The following NCDN variants were observed in gnomAD, a reference collection of about 807,000 sequenced individuals.
NCDN encodes the protein neurochondrin.
In NCDN, 9 loss-of-function variants were observed where a neutral mutation model predicts 60.7. That is an observed-to-expected ratio of 0.15 (90% CI 0.09 to 0.26). The LOEUF is 0.26. Ranked by LOEUF, NCDN falls within the 10% of genes least tolerant of loss-of-function variation. The probability of loss-of-function intolerance (pLI) is 1.00; values close to 1 mark genes in which losing one functional copy is unlikely to be tolerated. For missense variants in NCDN, 578 were observed against 975.2 expected, an observed-to-expected ratio of 0.59 and a Z score of 5.42; for synonymous variants, 409 against 442.5, an observed-to-expected ratio of 0.92 and a Z score of 0.95.
At position 35,565,923 on chromosome 1, in the gene NCDN, G is replaced by A. The variant is rs575147294; in HGVS notation, c.*260G>A. 1.5e-5 allele frequency: 7 copies of A among 482,752 alleles called. No homozygotes were observed. In the South Asian group the frequency reaches 1.7e-4, roughly 12 times the overall value. The allele number at this position is 482,752 out of a possible 1,614,324, so 29.9% of individuals were successfully genotyped here. On this transcript the variant is annotated 3_prime_UTR_variant, in exon 7 of 7. Transcript: ENST00000373243. The surrounding 1 kb of genome is among the most constrained non-coding windows in gnomAD (Gnocchi z 8.9). Reference sequence around the variant, plus strand: ...TGTCCCCGCCAGGCCGGGGAAGGTTGGAGCAGCCCCCAGGGAGGGGGGCAC... The same window carrying A: ...TGTCCCCGCCAGGCCGGGGAAGGTTAGAGCAGCCCCCAGGGAGGGGGGCAC...
rs1427567583 is a variant in NCDN, at chr1:35,565,904, C to T, written c.*241C>T. ...GCTTGGAAATCAACGTGGTTGTCCCCGCCAGGCCGGGGAAGGTTGGAGCAG... is the reference window on the plus strand; with the variant it reads ...GCTTGGAAATCAACGTGGTTGTCCCTGCCAGGCCGGGGAAGGTTGGAGCAG... On this transcript the variant is annotated 3_prime_UTR_variant, in exon 7 of 7. Transcript: ENST00000373243. The surrounding 1 kb of genome is among the most constrained non-coding windows in gnomAD (Gnocchi z 8.9). 15 of 522,658 alleles carry T rather than the reference C, an allele frequency of 2.9e-5. No individual in the cohort carries two copies. Among genetic ancestry groups the T allele is most frequent in the African/African-American group, 1.9e-5 (1 of 51,562 alleles). 32.4% of individuals were successfully genotyped at this position (522,658 alleles called of 1,614,324 possible). A position where few individuals can be genotyped will look rare whatever the true frequency, so the allele number is the denominator to read the frequency against.
rs1280692109 is a variant in NCDN at position 35,566,473 on chromosome 1, G to A, written c.*810G>A. The A allele has an allele frequency of 3.5e-6, 1 of 288,256 alleles. No homozygotes were observed. The highest frequency in any genetic ancestry group is 3.1e-5 in the South Asian group (1 of 32,522). 17.9% of individuals were successfully genotyped at this position (288,256 alleles called of 1,614,324 possible). ...GGCCTGGCTGGAGCCAGGAACAGGAGGGACACTTCCCCAGAATCCGCATGT... is the reference window on the plus strand; with the variant it reads ...GGCCTGGCTGGAGCCAGGAACAGGAAGGACACTTCCCCAGAATCCGCATGT... On this transcript the variant is annotated 3_prime_UTR_variant, in exon 7 of 7. Coordinates refer to ENST00000373243, the MANE Select transcript of NCDN (RefSeq NM_014284.3). The surrounding 1 kb of genome is among the most constrained non-coding windows in gnomAD (Gnocchi z 5.3).
At chr1:35,559,323 C>T in intron 2 of NCDN, 76 bp downstream of exon 2, 1 of 1,588,904 alleles carries the variant, frequency 6.3e-7, no homozygotes, top group Admixed American at 1.7e-5. Context: ...TCAGTGAGTC[C>T]CCAAGGATAT....
chr1:35,564,388 G>A (rs937085316), intron 6 of NCDN, among the ~76,000 whole-genome samples: 1 of 151,986 alleles, frequency 6.6e-6, no homozygotes, highest in African/African-American at 2.4e-5. Flanking sequence ...GCAGGGGGAG[G>A]GACGTCCCCT....
Position 35,558,438 on chromosome 1 carries a change from T to C in NCDN, c.33+215T>C, listed in dbSNP as rs904376199. 72 of 1,351,810 alleles carry C rather than the reference T, an allele frequency of 5.3e-5. No homozygotes were observed. The highest frequency in any genetic ancestry group is 2.0e-4 in the South Asian group (12 of 59,648). The allele number at this position is 1,351,810 out of a possible 1,614,324, so 83.7% of individuals were successfully genotyped here. On this transcript the variant is annotated intron_variant, in intron 1 of 6. Transcript: ENST00000373243. This position sits in a 1 kb window ranked among gnomAD's most constrained non-coding sequence, Gnocchi z 6.3. ...TTAATTCTGCTGCTGCCGCCGCCGCTGCTGCTGCTGCTGCAGCCTCTACCC... is the reference window on the plus strand; with the variant it reads ...TTAATTCTGCTGCTGCCGCCGCCGCCGCTGCTGCTGCTGCAGCCTCTACCC...
chr1:35,559,733 T>G (rs1648634111), intron 2 of NCDN, among the ~76,000 whole-genome samples: 1 of 111,104 alleles, frequency 9.0e-6, no homozygotes, highest in Non-Finnish European at 1.7e-5. Flanking sequence ...GCTGCAGTGC[T>G]AGGAAGGGGG....
chr1:35,563,679 C>A lies in NCDN; in HGVS notation c.1611-88C>A. The A allele has an allele frequency of 1.3e-6, 2 of 1,499,890 alleles. No homozygotes were observed. The highest frequency in any genetic ancestry group is 1.8e-6 in the Non-Finnish European group (2 of 1,101,808). 92.9% of individuals were successfully genotyped at this position (1,499,890 alleles called of 1,614,324 possible). On this transcript the variant is annotated intron_variant, in intron 5 of 6. Transcript: ENST00000373243. This position sits in a 1 kb window ranked among gnomAD's most constrained non-coding sequence, Gnocchi z 6.6. ...GCTATGTTTGGGGCCCAAAGTTAAT[C>A]ACCCTACTGCCTAATTTCTTGCCAA...
Position 35,561,048 on chromosome 1 carries a change from G to A in NCDN, c.897G>A (p.Ala299=), listed in dbSNP as rs747039344. ...AHACGSDWIP[A]GSSGSKFLAL... ...CCTGCGGCTCCGACTGGATCCCGGC[G>A]GGCAGCTCCGGGAGCAAGTTCCTGG... Residue 299 remains alanine (A), a synonymous_variant, in exon 3 of 7, where the codon GCG becomes GCA. Coordinates refer to ENST00000373243, the MANE Select transcript of NCDN (RefSeq NM_014284.3). The surrounding 1 kb of genome is among the most constrained non-coding windows in gnomAD (Gnocchi z 4.9). 72 of 1,612,598 alleles carry A rather than the reference G, an allele frequency of 4.5e-5. No individual in the cohort carries two copies. Among genetic ancestry groups the A allele is most frequent in the Non-Finnish European group, 5.3e-5 (63 of 1,179,184 alleles).
rs780581013 is a variant in NCDN, at chr1:35,560,372, G to A, written c.221G>A (p.Arg74Gln). ...KAGDIDAKTR[R>Q]RIFDAVGFTF... is the part of the protein sequence containing the mutation. Reference sequence around the variant, plus strand: ...GGTGACATAGATGCCAAAACTCGGCGGCGGATCTTCGATGCTGTCGGCTTC... The same window carrying A: ...GGTGACATAGATGCCAAAACTCGGCAGCGGATCTTCGATGCTGTCGGCTTC... Residue 74 changes from arginine (R) to glutamine (Q), a missense_variant, in exon 3 of 7, where the codon CGG becomes CAG. By Grantham distance (43) the Arg-to-Gln change is conservative. Transcript: ENST00000373243. The surrounding 1 kb of genome is among the most constrained non-coding windows in gnomAD (Gnocchi z 7.6). 3.6e-5 allele frequency: 58 copies of A among 1,613,870 alleles called. No homozygotes were observed. Among genetic ancestry groups the A allele is most frequent in the Admixed American group, 1.8e-4 (11 of 60,006 alleles).
chr1:35,559,319 A>G (rs1192961237), intron 2 of NCDN, 72 bp downstream of exon 2: 2 of 1,591,388 alleles, frequency 1.3e-6, no homozygotes, highest in East Asian at 4.5e-5. Flanking sequence ...GGGGTCAGTG[A>G]GTCCCCAAGG....
intron 1 of NCDN, 46 bp from the exon 2 acceptor site, chr1:35,559,061 C>CCCCCCCCCCCCCCCCCGG: frequency 6.8e-7 from 1 of 1,474,768 alleles, no homozygotes; most frequent in South Asian, 1.2e-5. Flanking sequence ...ACCCCACCCC[C>CCCCCCCCCCCCCCCCCGG]GTCCCTCCTC....
chr1:35,557,865 C>T lies in NCDN; in HGVS notation c.-326C>T, dbSNP rs943124359. On this transcript the variant is annotated 5_prime_UTR_variant, in exon 1 of 7. Transcript: ENST00000373243. ...GCATCGCGCTGGGAGAAGACTTCGCCGCTCGGGGCCGCAGCCTGGTGAGCT... is the reference window on the plus strand; with the variant it reads ...GCATCGCGCTGGGAGAAGACTTCGCTGCTCGGGGCCGCAGCCTGGTGAGCT... 3.3e-6 allele frequency: 2 copies of T among 599,886 alleles called. No homozygotes were observed. Among genetic ancestry groups the T allele is most frequent in the East Asian group, 3.5e-5 (1 of 28,914 alleles). The allele number at this position is 599,886 out of a possible 1,614,324, so 37.2% of individuals were successfully genotyped here. A position where few individuals can be genotyped will look rare whatever the true frequency, so the allele number is the denominator to read the frequency against.
Position 35,566,064 on chromosome 1 carries a change from C to T in NCDN, c.*401C>T. The T allele has an allele frequency of 5.0e-6, 1 of 201,388 alleles. No homozygotes were observed. Among genetic ancestry groups the T allele is most frequent in the Non-Finnish European group, 1.0e-5 (1 of 98,472 alleles). The allele number at this position is 201,388 out of a possible 1,614,324, so 12.5% of individuals were successfully genotyped here. ...TGTGCCCTGCCGGCCAGGGCGTGGG[C>T]TCCCCTCGGCTGTGGTGCCTCCTCT... On this transcript the variant is annotated 3_prime_UTR_variant, in exon 7 of 7. Transcript: ENST00000373243. This position sits in a 1 kb window ranked among gnomAD's most constrained non-coding sequence, Gnocchi z 5.3.
chr1:35,566,139 G>A lies in NCDN; in HGVS notation c.*476G>A, dbSNP rs1200663303. The A allele has an allele frequency of 5.8e-6, 1 of 173,732 alleles. No homozygotes were observed. Among genetic ancestry groups the A allele is most frequent in the East Asian group, 1.7e-4 (1 of 5,808 alleles). The allele number at this position is 173,732 out of a possible 1,614,324, so 10.8% of individuals were successfully genotyped here. A position where few individuals can be genotyped will look rare whatever the true frequency, so the allele number is the denominator to read the frequency against. Reference sequence around the variant, plus strand: ...AATTGGCCCTTTGGCTCTTGCCCTTGGCTCCCTTGGGCAGACAGCAGGCTT... The same window carrying A: ...AATTGGCCCTTTGGCTCTTGCCCTTAGCTCCCTTGGGCAGACAGCAGGCTT... On this transcript the variant is annotated 3_prime_UTR_variant, in exon 7 of 7. Transcript: ENST00000373243. This position sits in a 1 kb window ranked among gnomAD's most constrained non-coding sequence, Gnocchi z 5.3.
In NCDN at chr1:35,559,247, A is replaced by T; in HGVS notation, c.174A>T (p.Leu58=). ...NDSEQFAALL[L]VTKAVKAGDI... ...GCGAGCAGTTTGCAGCCCTGCTGCTAGTAAGGAACTGGCTGAAAATTGGGA... is the reference window on the plus strand; with the variant it reads ...GCGAGCAGTTTGCAGCCCTGCTGCTTGTAAGGAACTGGCTGAAAATTGGGA... Residue 58 remains leucine, a splice_region_variant and synonymous_variant, in exon 2 of 7, where the codon CTA becomes CTT. Coordinates refer to ENST00000373243, the MANE Select transcript of NCDN (RefSeq NM_014284.3). 6.2e-7 allele frequency: 1 copy of T among 1,614,116 alleles called. No individual in the cohort carries two copies.
chr1:35,561,039 G>T lies in NCDN; in HGVS notation c.888G>T (p.Trp296Cys). The T allele has an allele frequency of 1.2e-6, 2 of 1,612,928 alleles. No homozygotes were observed. ...ARLAHACGSDWIPAGSSGSKF... is the reference protein window; with the variant it reads ...ARLAHACGSDCIPAGSSGSKF... ...TGGCACACGCCTGCGGCTCCGACTG[G>T]ATCCCGGCGGGCAGCTCCGGGAGCA... The change falls in exon 3 of 7, where the codon TGG (tryptophan) becomes TGT (cysteine). Residue 296 changes from tryptophan to cysteine, a missense_variant. Physicochemically the swap from Trp to Cys is radical, Grantham distance 215. Coordinates refer to ENST00000373243, the MANE Select transcript of NCDN (RefSeq NM_014284.3). This position sits in a 1 kb window ranked among gnomAD's most constrained non-coding sequence, Gnocchi z 4.9.
In NCDN at chr1:35,563,540, G is replaced by A; in HGVS notation, c.1610+114G>A. ...CCCCATGCCCATGGATTTGTTAGTG[G>A]TAGCATGGGGGTCTCAGAGTAGACA... On this transcript the variant is annotated intron_variant, in intron 5 of 6. Transcript: ENST00000373243. The surrounding 1 kb of genome is among the most constrained non-coding windows in gnomAD (Gnocchi z 6.6). 1 of 1,219,176 alleles carries A rather than the reference G, an allele frequency of 8.2e-7. No individual in the cohort carries two copies. Among genetic ancestry groups the A allele is most frequent in the Non-Finnish European group, 1.2e-6 (1 of 864,614 alleles). 75.5% of individuals were successfully genotyped at this position (1,219,176 alleles called of 1,614,324 possible).
In NCDN at chr1:35,561,214, C is replaced by G; in HGVS notation, c.1063C>G (p.Leu355Val). The change falls in exon 3 of 7, where the codon CTG becomes GTG. Residue 355 changes from leucine to valine, a missense_variant. Physicochemically the swap from Leu to Val is conservative, Grantham distance 32 (BLOSUM62 1). Transcript: ENST00000373243. This position sits in a 1 kb window ranked among gnomAD's most constrained non-coding sequence, Gnocchi z 4.9. The part of the protein sequence containing the change: ...IQECTRCEQS[L>V]LKEPQKVQLV... ...GGAATGCACTCGCTGTGAGCAGTCA[C>G]TGCTTAAGGAGCCACAGAAGGTGCA... 6.2e-7 allele frequency: 1 copy of G among 1,610,634 alleles called. No individual in the cohort carries two copies.
At chr1:35,559,283 G>A in intron 2 of NCDN, 36 bp downstream of exon 2, 1 of 1,613,216 alleles carries the variant, frequency 6.2e-7, no homozygotes, top group East Asian at 2.2e-5. Context: ...GGTGGGAAGG[G>A]CTGGGTGGTT....
Sources: allele counts gnomAD v4.1 joint callset (sites outside exome capture counted in the v4.1 genomes callset), GRCh38; gene constraint gnomAD v4.1.1; non-coding constraint Gnocchi (gnomAD v3.1); transcripts MANE v1.5; gene names NCBI Gene and HGNC (gene_info 2026-07-23, HGNC 2026-07-21).